The following ZFHX3 variants were observed in gnomAD, a reference collection of about 807,000 sequenced individuals.
ZFHX3 encodes zinc finger homeobox protein 3.
ZFHX3 carries 42 observed loss-of-function variants against 279.1 expected under a neutral mutation model. The ratio of observed to expected loss-of-function variants is 0.15; its 90% CI spans 0.12 to 0.19. The LOEUF is 0.19. Among genes scored for constraint, ZFHX3 ranks in the 10% least tolerant of loss-of-function variants. The pLI is 1.00. For synonymous variants in ZFHX3, 2,293 were observed against 1,957.8 expected (o/e 1.17, Z -4.52); for missense variants, 4,981 against 4,754.0 (o/e 1.05, Z -1.40).
At chr16:72,896,165 C>T (rs937154270) in intron 3 of ZFHX3, among the ~76,000 whole-genome samples, 2 of 152,176 alleles carry the variant, frequency 1.3e-5, no homozygotes, top group Non-Finnish European at 2.9e-5. Flanking sequence ...ATTTGGCACA[C>T]GTTCGGGGGT....
At chr16:73,090,529 T>C (rs1966060268) in intron 8 of ZFHX3, among the ~76,000 whole-genome samples, 1 of 152,116 alleles carries the variant, frequency 6.6e-6, no homozygotes, top group Non-Finnish European at 1.5e-5. Flanking sequence ...GCCTATCACA[T>C]AGTATTTGCT....
rs1030982777 is a variant in ZFHX3 at position 73,171,978 on chromosome 16, T to C, written c.-1103-28147A>G. On this transcript the variant is annotated intron_variant, in intron 5 of 17. Coordinates refer to the ZFHX3 transcript ENST00000641206. ...CATCAATATGCACAATGATTATGTATCAATAAAAAAATGGGAAAAAATTCC... is the reference window on the plus strand; with the variant it reads ...CATCAATATGCACAATGATTATGTACCAATAAAAAAATGGGAAAAAATTCC... Among the ~76,000 whole-genome samples, 43 of 152,188 alleles carry C rather than the reference T, an allele frequency of 2.8e-4. 1 individual carries two copies. The highest frequency in any genetic ancestry group is 1.8e-3 in the Admixed American group (27 of 15,296).
chr16:72,796,875 A>G lies in ZFHX3; in HGVS notation c.5807T>C (p.Ile1936Thr), dbSNP rs753703005. The G allele has an allele frequency of 6.2e-7, 1 of 1,613,580 alleles. No individual in the cohort carries two copies. Among genetic ancestry groups the G allele is most frequent in the Non-Finnish European group, 8.5e-7 (1 of 1,179,916 alleles). The change falls in exon 9 of 10, where the codon ATT becomes ACT. Residue 1936 changes from isoleucine (I) to threonine (T), a missense_variant. Physicochemically the swap from Ile to Thr is moderately conservative, Grantham distance 89. Coordinates refer to ENST00000268489, the MANE Select transcript of ZFHX3 (RefSeq NM_006885.4). ...GSEPSMLPPR[I>T]ASDARGNATK... ...GGCGTTCCCTCTGGCATCTGAAGCA[A>G]TGCGTGGAGGGAGCATGGAAGGCTC...
chr16:73,702,368 C>G (rs1268165869), intron 1 of ZFHX3, among the ~76,000 whole-genome samples: 1 of 152,088 alleles, frequency 6.6e-6, no homozygotes, highest in East Asian at 1.9e-4. Flanking sequence ...ATGGGACACA[C>G]GGCAGACAAT....
chr16:72,945,678 A>T (rs1960630915), intron 3 of ZFHX3, among the ~76,000 whole-genome samples: 3 of 152,140 alleles, frequency 2.0e-5, no homozygotes, highest in African/African-American at 4.8e-5. Context: ...AACAAAAAAA[A>T]TAGTCTAATA....
intron 1 of ZFHX3, among the ~76,000 whole-genome samples, chr16:73,058,250 G>GGCGGCGGCA (rs1022166444): frequency 5.5e-5 from 8 of 145,680 alleles, no homozygotes; most frequent in Non-Finnish European, 7.6e-5. Context: ...CGGCGGCGGC[G>GGCGGCGGCA]GCGGCGGCAG....
chr16:73,406,828 G>A (rs2017369318), intron 3 of ZFHX3, among the ~76,000 whole-genome samples: 1 of 152,178 alleles, frequency 6.6e-6, no homozygotes, highest in Non-Finnish European at 1.5e-5. Context: ...GAAAGAGTTG[G>A]GAATGTATTT....
intron 1 of ZFHX3, among the ~76,000 whole-genome samples, chr16:72,986,978 C>A (rs974528660): frequency 6.6e-6 from 1 of 152,098 alleles, no homozygotes; most frequent in African/African-American, 2.4e-5. Flanking sequence ...AAAACAAAAC[C>A]CCACCTCTAC....
chr16:73,265,895 A>G (rs1214916866), intron 4 of ZFHX3, among the ~76,000 whole-genome samples: 1 of 152,230 alleles, frequency 6.6e-6, no homozygotes, highest in Non-Finnish European at 1.5e-5. Flanking sequence ...ATTCCCAAGG[A>G]GAATAAGGAA....
At chr16:73,073,187 G>A (rs1965846186) in intron 8 of ZFHX3, among the ~76,000 whole-genome samples, 1 of 151,766 alleles carries the variant, frequency 6.6e-6, no homozygotes, top group African/African-American at 2.4e-5. Flanking sequence ...GTGAGCTACC[G>A]TGCCCAGCCT....
At chr16:73,639,443 A>G (rs1261308058) in intron 2 of ZFHX3, among the ~76,000 whole-genome samples, 1 of 152,212 alleles carries the variant, frequency 6.6e-6, no homozygotes, top group Non-Finnish European at 1.5e-5. Flanking sequence ...ATAAGGTTCA[A>G]TAGTCATTGA....
intron 5 of ZFHX3, among the ~76,000 whole-genome samples, chr16:73,253,028 C>T (rs2013556553): frequency 6.6e-6 from 1 of 152,140 alleles, no homozygotes; most frequent in Non-Finnish European, 1.5e-5. Flanking sequence ...TTTGGATTCA[C>T]CCAGCATTCA....
chr16:73,181,282 G>C (rs1055904339), intron 5 of ZFHX3, among the ~76,000 whole-genome samples: 6 of 151,882 alleles, frequency 4.0e-5, no homozygotes, highest in Non-Finnish European at 1.5e-5. Flanking sequence ...TGTATTTTTA[G>C]TAGAGATAAG....
intron 4 of ZFHX3, among the ~76,000 whole-genome samples, chr16:73,303,718 T>C (rs1239269616): frequency 6.6e-6 from 1 of 151,336 alleles, no homozygotes; most frequent in Non-Finnish European, 1.5e-5. Context: ...ACCTCAATTA[T>C]TTAGATGGCC....
chr16:73,309,105 G>A (rs1336618192), intron 4 of ZFHX3, among the ~76,000 whole-genome samples: 6 of 152,062 alleles, frequency 3.9e-5, no homozygotes, highest in Non-Finnish European at 8.8e-5. Flanking sequence ...TAGGTCCAGG[G>A]CTACATGTGC....
intron 1 of ZFHX3, among the ~76,000 whole-genome samples, chr16:73,884,213 G>A (rs2030273608): frequency 6.6e-6 from 1 of 151,994 alleles, no homozygotes; most frequent in South Asian, 2.1e-4. Flanking sequence ...GAAGACAAAG[G>A]GGCAATTATG....
chr16:73,231,679 G>A (rs758375797), intron 5 of ZFHX3, among the ~76,000 whole-genome samples: 1 of 152,110 alleles, frequency 6.6e-6, no homozygotes, highest in Non-Finnish European at 1.5e-5. Flanking sequence ...CTAAGTCTAC[G>A]CCACTTCTCC....
At chr16:73,428,117 C>G (rs2216764) in intron 3 of ZFHX3, among the ~76,000 whole-genome samples, 1 of 152,176 alleles carries the variant, frequency 6.6e-6, no homozygotes, top group Non-Finnish European at 1.5e-5. Context: ...GACAGAATTT[C>G]TCATTAATGG....
chr16:73,306,508 A>G (rs565718171), intron 4 of ZFHX3, among the ~76,000 whole-genome samples: 1 of 152,180 alleles, frequency 6.6e-6, no homozygotes, highest in South Asian at 2.1e-4. Flanking sequence ...TTTTTGGTAG[A>G]GATATGGTTT....
Sources: allele counts gnomAD v4.1 joint callset (sites outside exome capture counted in the v4.1 genomes callset), GRCh38; gene constraint gnomAD v4.1.1; transcripts MANE v1.5; gene names NCBI Gene and HGNC (gene_info 2026-07-23, HGNC 2026-07-21).